FAM117B: variants seen among roughly 807,000 people sequenced by gnomAD.
The protein encoded by FAM117B is protein FAM117B.
A neutral mutation model predicts 52.8 loss-of-function variants in FAM117B; 22 were observed. The observed-to-expected ratio is 0.42, with a 90% CI of 0.30 to 0.59. FAM117B has a LOEUF of 0.59. Among genes scored for constraint, FAM117B ranks in the 20% least tolerant of loss-of-function variants. The pLI is 0.22. For synonymous variants in FAM117B, 309 were observed against 324.1 expected, an observed-to-expected ratio of 0.95 and a Z score of 0.50; for missense variants, 678 against 802.6, an observed-to-expected ratio of 0.84 and a Z score of 1.88.
rs186909489 is a variant in FAM117B at position 202,638,168 on chromosome 2, C to T, written c.601+2380C>T. On this transcript the variant is annotated intron_variant, in intron 1 of 7. Transcript: ENST00000392238. ...CTGGGATTACAGGCATGAGCTACCG[C>T]GCCCAGCCACTAGTTAAGTAACTCT... 8.5e-5 allele frequency among the ~76,000 whole-genome samples: 13 copies of T among 152,322 alleles called. No homozygotes were observed. The East Asian group carries it at 1.9e-3, about 23-fold the overall frequency.
intron 4 of FAM117B, among the ~76,000 whole-genome samples, chr2:202,742,163 C>T (rs1056398742): frequency 9.9e-5 from 15 of 152,132 alleles, no homozygotes; most frequent in African/African-American, 3.6e-4. Context: ...AGCTTTTTTA[C>T]AGCATTAGAA....
chr2:202,699,744 G>T (rs1488112514), intron 2 of FAM117B, among the ~76,000 whole-genome samples: 1 of 152,108 alleles, frequency 6.6e-6, no homozygotes, highest in African/African-American at 2.4e-5. Context: ...AAAAATACAT[G>T]CCTATGTCAT....
At chr2:202,649,858 A>ATTTG (rs10551355) in intron 1 of FAM117B, among the ~76,000 whole-genome samples, 4 of 151,322 alleles carry the variant, frequency 2.6e-5, no homozygotes, top group East Asian at 2.0e-4. Flanking sequence ...CGGCTTATTT[A>ATTTG]TTTGTTTGTT....
At chr2:202,646,991 A>G (rs898192916) in intron 1 of FAM117B, among the ~76,000 whole-genome samples, 2 of 152,062 alleles carry the variant, frequency 1.3e-5, no homozygotes, top group Admixed American at 6.5e-5. Context: ...TTTTTGGGGG[A>G]AAATGTGCAG....
At chr2:202,702,266 C>T (rs2105779188) in intron 2 of FAM117B, among the ~76,000 whole-genome samples, 1 of 152,104 alleles carries the variant, frequency 6.6e-6, no homozygotes, top group Admixed American at 6.5e-5. Context: ...TGGTGTGCAC[C>T]TGTAATCCCA....
intron 1 of FAM117B, among the ~76,000 whole-genome samples, chr2:202,664,599 G>A (rs1690174592): frequency 6.6e-6 from 1 of 152,168 alleles, no homozygotes; most frequent in African/African-American, 2.4e-5. Flanking sequence ...AAATTTTAAA[G>A]ATAGGGTCCA....
chr2:202,702,288 G>T (rs568820584), intron 2 of FAM117B, among the ~76,000 whole-genome samples: 12 of 152,170 alleles, frequency 7.9e-5, no homozygotes, highest in Admixed American at 2.0e-4. Flanking sequence ...CTACTCAGGA[G>T]GCTGAGGCAG....
intron 1 of FAM117B, among the ~76,000 whole-genome samples, chr2:202,638,601 A>G (rs1275502725): frequency 6.6e-6 from 1 of 152,160 alleles, no homozygotes; most frequent in East Asian, 1.9e-4. Flanking sequence ...ATAAATCCAG[A>G]AAAATAAAAA....
At chr2:202,752,908 T>C (rs1183203603) in intron 4 of FAM117B, among the ~76,000 whole-genome samples, 7 of 152,162 alleles carry the variant, frequency 4.6e-5, no homozygotes, top group Non-Finnish European at 1.0e-4. Flanking sequence ...TTCTGTTAAA[T>C]AAATAAGTCA....
In FAM117B at chr2:202,750,142, G is replaced by C. The variant is rs573641558; in HGVS notation, c.961-5396G>C. On this transcript the variant is annotated intron_variant, in intron 4 of 7. Coordinates refer to ENST00000392238, the MANE Select transcript of FAM117B (RefSeq NM_173511.4). ...TGCTGTGTGCTTATATGAGCTCTTC[G>C]TGTGCATGGGAATGGGAGGTGACTC... 2.0e-4 allele frequency among the ~76,000 whole-genome samples: 30 copies of C among 152,250 alleles called. No homozygotes were observed. The East Asian group carries it at 5.6e-3, about 28-fold the overall frequency.
rs1411834126 is a variant in FAM117B at position 202,768,277 on chromosome 2, GT to G, written c.*2516del. ...TGTCTAATTCATATCTTTCTGTGGAGTTTCATATGTCCTTAATCTAAAGTAA... is the reference window on the plus strand; with the variant it reads ...TGTCTAATTCATATCTTTCTGTGGAGTTCATATGTCCTTAATCTAAAGTAA... On this transcript the variant is annotated 3_prime_UTR_variant, in exon 8 of 8. Transcript: ENST00000392238. 1 of 152,096 alleles carries G rather than the reference GT, an allele frequency of 6.6e-6. No homozygotes were observed. The highest frequency in any genetic ancestry group is 2.4e-5 in the African/African-American group (1 of 41,418). 9.4% of individuals were successfully genotyped at this position (152,096 alleles called of 1,614,324 possible).
At chr2:202,684,978 A>G (rs896279495) in intron 1 of FAM117B, among the ~76,000 whole-genome samples, 6 of 151,734 alleles carry the variant, frequency 4.0e-5, no homozygotes, top group African/African-American at 1.5e-4. Flanking sequence ...CCACATGATT[A>G]TCTCAAAAAA....
chr2:202,637,283 AGT>A (rs1178724017), intron 1 of FAM117B, among the ~76,000 whole-genome samples: 5 of 151,864 alleles, frequency 3.3e-5, no homozygotes, highest in Non-Finnish European at 7.4e-5. Flanking sequence ...TTTGAGACGG[AGT>A]CTTGCTCAGC....
At chr2:202,674,359 C>G (rs1453388997) in intron 1 of FAM117B, among the ~76,000 whole-genome samples, 1 of 152,208 alleles carries the variant, frequency 6.6e-6, no homozygotes, top group African/African-American at 2.4e-5. Flanking sequence ...TATATGTTTT[C>G]ACTTAATCCT....
intron 4 of FAM117B, among the ~76,000 whole-genome samples, chr2:202,743,492 A>G (rs1304901355): frequency 2.0e-5 from 3 of 152,232 alleles, no homozygotes; most frequent in Non-Finnish European, 2.9e-5. Context: ...TAGAAAAGCA[A>G]GGAACCATGG....
intron 2 of FAM117B, among the ~76,000 whole-genome samples, chr2:202,712,136 T>C (rs1690966099): frequency 6.6e-6 from 1 of 152,166 alleles, no homozygotes; most frequent in African/African-American, 2.4e-5. Flanking sequence ...CTTTGGCTAG[T>C]ATGAACATTT....
intron 7 of FAM117B, among the ~76,000 whole-genome samples, chr2:202,764,024 G>T (rs1331074286): frequency 6.6e-6 from 1 of 152,124 alleles, no homozygotes; most frequent in Non-Finnish European, 1.5e-5. Flanking sequence ...CCTCTTCTGT[G>T]CTGTGGACAG....
intron 1 of FAM117B, among the ~76,000 whole-genome samples, chr2:202,673,975 T>G (rs1344943858): frequency 2.6e-5 from 4 of 152,146 alleles, no homozygotes; most frequent in African/African-American, 9.7e-5. Context: ...TGAGGCAGCT[T>G]CTTTTCAAAC....
chr2:202,692,172 G>GT (rs1180432935), intron 1 of FAM117B, among the ~76,000 whole-genome samples: 1 of 152,088 alleles, frequency 6.6e-6, no homozygotes, highest in African/African-American at 2.4e-5. Flanking sequence ...GTCAAGAGGT[G>GT]TTTTCATACA....
Sources: allele counts gnomAD v4.1 joint callset (sites outside exome capture counted in the v4.1 genomes callset), GRCh38; gene constraint gnomAD v4.1.1; transcripts MANE v1.5; gene names NCBI Gene and HGNC (gene_info 2026-07-23, HGNC 2026-07-21).